ANKS1B: variants seen among roughly 807,000 people sequenced by gnomAD.
The protein encoded by ANKS1B is ankyrin repeat and sterile alpha motif domain containing 1B, also known as ankyrin repeat and sterile alpha motif domain-containing protein 1B.
ANKS1B carries 36 observed loss-of-function variants against 148.3 expected under a neutral mutation model. The ratio of observed to expected loss-of-function variants is 0.24; its 90% CI spans 0.19 to 0.32. ANKS1B has a LOEUF of 0.32. ANKS1B is among the 10% of genes least tolerant of loss of function. The probability of loss-of-function intolerance (pLI) is 1.00; values close to 1 mark genes in which losing one functional copy is unlikely to be tolerated. For missense variants in ANKS1B, 1,157 were observed against 1,542.6 expected (o/e 0.75, Z 4.19); for synonymous variants, 542 against 560.8 (o/e 0.97, Z 0.47).
chr12:99,369,747 A>AAGAAAGAT (rs1555404895), intron 12 of ANKS1B, among the ~76,000 whole-genome samples: 3,411 of 143,312 alleles, frequency 0.024, 39 homozygotes, highest in Middle Eastern at 0.035. Context: ...AATGGATAGA[A>AAGAAAGAT]AGATAGATAG....
At chr12:99,617,677 T>C (rs977807465) in intron 9 of ANKS1B, among the ~76,000 whole-genome samples, 3 of 151,872 alleles carry the variant, frequency 2.0e-5, no homozygotes, top group Non-Finnish European at 4.4e-5. Flanking sequence ...TGAGGACAAA[T>C]ACCTAATGCA....
chr12:98,877,401 G>A (rs175639), intron 17 of ANKS1B, among the ~76,000 whole-genome samples: 132,861 of 152,210 alleles, frequency 0.87, 58,376 homozygotes, highest in East Asian at 0.94. Context: ...AGCTTATTTT[G>A]AATGAACTTG....
intron 12 of ANKS1B, among the ~76,000 whole-genome samples, chr12:99,328,032 G>A (rs2086816145): frequency 6.6e-6 from 1 of 151,796 alleles, no homozygotes; most frequent in African/African-American, 2.4e-5. Flanking sequence ...ACATCATAAA[G>A]GTAAGGGCAT....
chr12:99,065,804 G>T (rs552579408), intron 16 of ANKS1B, among the ~76,000 whole-genome samples: 35 of 152,184 alleles, frequency 2.3e-4, no homozygotes, highest in Non-Finnish European at 4.6e-4. Context: ...CAGTCCTTGT[G>T]GGGTTTACCT....
chr12:99,111,069 A>G (rs1323544627), intron 15 of ANKS1B, among the ~76,000 whole-genome samples: 2 of 152,236 alleles, frequency 1.3e-5, no homozygotes, highest in African/African-American at 4.8e-5. Context: ...GGCAATCAGG[A>G]CAATAACCAT....
intron 9 of ANKS1B, among the ~76,000 whole-genome samples, chr12:99,521,298 T>C (rs897759921): frequency 6.6e-6 from 1 of 152,246 alleles, no homozygotes; most frequent in African/African-American, 2.4e-5. Flanking sequence ...CTGTATCTTA[T>C]CTTGAATTTC....
chr12:99,930,890 G>A (rs551632952), intron 1 of ANKS1B, among the ~76,000 whole-genome samples: 2 of 152,212 alleles, frequency 1.3e-5, no homozygotes, highest in South Asian at 2.1e-4. Context: ...AGACACATGC[G>A]AAGGTATGTT....
intron 1 of ANKS1B, among the ~76,000 whole-genome samples, chr12:99,870,407 G>A (rs1230953389): frequency 1.3e-5 from 2 of 152,160 alleles, no homozygotes; most frequent in Non-Finnish European, 2.9e-5. Context: ...ACATATGATT[G>A]CATGTTCTTT....
intron 12 of ANKS1B, among the ~76,000 whole-genome samples, chr12:99,261,138 CA>C (rs1003897514): frequency 6.6e-5 from 10 of 152,216 alleles, no homozygotes; most frequent in African/African-American, 2.4e-4. Flanking sequence ...AAATCTACTC[CA>C]AATAGGCTTT....
At chr12:99,726,720 T>A (rs2058658009) in intron 8 of ANKS1B, among the ~76,000 whole-genome samples, 1 of 152,110 alleles carries the variant, frequency 6.6e-6, no homozygotes, top group African/African-American at 2.4e-5. Context: ...CCCTGATGAA[T>A]ATTGATGCAA....
At chr12:98,953,045 G>T (rs1442616537) in intron 17 of ANKS1B, among the ~76,000 whole-genome samples, 12 of 149,940 alleles carry the variant, frequency 8.0e-5, no homozygotes, top group African/African-American at 1.5e-4. Flanking sequence ...TTTTGAGACA[G>T]AATCTCACTC....
chr12:98,820,156 C>T (rs114771), intron 19 of ANKS1B, among the ~76,000 whole-genome samples: 122,941 of 152,250 alleles, frequency 0.81, 50,014 homozygotes, highest in East Asian at 1. Context: ...GTGCCACGTC[C>T]GCTAGTTCCC....
chr12:99,266,837 G>T lies in ANKS1B; in HGVS notation c.1757-19973C>A, dbSNP rs1198907947. Among the ~76,000 whole-genome samples, 3 of 152,064 alleles carry T rather than the reference G, an allele frequency of 2.0e-5. 1 individual carries two copies. Among genetic ancestry groups the T allele is most frequent in the Non-Finnish European group, 4.4e-5 (3 of 68,018 alleles). On this transcript the variant is annotated intron_variant, in intron 12 of 26. Coordinates refer to ENST00000683438, the MANE Select transcript of ANKS1B (RefSeq NM_001352186.2). ...TCTCCATTCATTCTAAATATTTACT[G>T]CACAACTACTGCATGCCAGACACTA...
At chr12:99,235,457 T>A (rs1389677771) in intron 14 of ANKS1B, among the ~76,000 whole-genome samples, 1 of 152,156 alleles carries the variant, frequency 6.6e-6, no homozygotes, top group Admixed American at 6.5e-5. Context: ...GTAAAGTTGA[T>A]AAGAAAAGAA....
intron 14 of ANKS1B, among the ~76,000 whole-genome samples, chr12:99,236,059 G>A (rs780583919): frequency 6.6e-6 from 1 of 152,128 alleles, no homozygotes; most frequent in Non-Finnish European, 1.5e-5. Flanking sequence ...ATGGAGCCGA[G>A]GAATCTTCAT....
chr12:99,012,066 C>T (rs1173404429), intron 17 of ANKS1B, among the ~76,000 whole-genome samples: 1 of 152,122 alleles, frequency 6.6e-6, no homozygotes, highest in Admixed American at 6.6e-5. Context: ...TTTTGTACAT[C>T]TTACCTGGCT....
At chr12:99,209,800 A>C (rs1448233877) in intron 14 of ANKS1B, among the ~76,000 whole-genome samples, 1 of 152,174 alleles carries the variant, frequency 6.6e-6, no homozygotes, top group Admixed American at 6.5e-5. Flanking sequence ...CAGCCTGATC[A>C]CAAACCACAA....
chr12:99,651,463 A>ATATTCAAGATATATAAAG (rs2098418909), intron 9 of ANKS1B, among the ~76,000 whole-genome samples: 1 of 152,174 alleles, frequency 6.6e-6, no homozygotes, highest in African/African-American at 2.4e-5. Flanking sequence ...GCAAACTCTT[A>ATATTCAAGATATATAAAG]ACAGAGACCA....
chr12:99,040,193 T>C (rs1442883778), intron 17 of ANKS1B, among the ~76,000 whole-genome samples: 1 of 152,066 alleles, frequency 6.6e-6, no homozygotes, highest in African/African-American at 2.4e-5. Flanking sequence ...AAGGCAATAT[T>C]CCATTTTTGG....
Sources: gnomAD v4.1 joint callset for allele counts (sites outside exome capture counted in the v4.1 genomes callset) on GRCh38, gnomAD v4.1.1 for gene constraint, MANE v1.5 for transcripts, NCBI Gene and HGNC (gene_info 2026-07-23, HGNC 2026-07-21) for gene names.